NUP210L: variants seen among roughly 807,000 people sequenced by gnomAD.
NUP210L encodes nuclear pore membrane glycoprotein 210-like.
A neutral mutation model predicts 208.5 loss-of-function variants in NUP210L; 74 were observed. The observed-to-expected ratio is 0.35, with a 90% CI of 0.29 to 0.43. The LOEUF is 0.43. Ranked by LOEUF, NUP210L falls within the 20% of genes least tolerant of loss-of-function variation. The pLI is 1.00. For synonymous variants in NUP210L, 780 were observed against 816.9 expected (o/e 0.95, Z 0.77); for missense variants, 1,843 against 2,289.4 (o/e 0.81, Z 3.98).
intron 18 of NUP210L, among the ~76,000 whole-genome samples, chr1:154,061,378 A>AAATAATAATAAT (rs537711266): frequency 1.3e-5 from 2 of 150,068 alleles, no homozygotes; most frequent in African/African-American, 4.9e-5. Flanking sequence ...ACTTCATCTC[A>AAATAATAATAAT]AATAATAATA....
At chr1:154,133,711 C>T (rs151083641) in intron 7 of NUP210L, among the ~76,000 whole-genome samples, 206 of 151,654 alleles carry the variant, frequency 1.4e-3, no homozygotes, top group African/African-American at 4.6e-3. Flanking sequence ...CGTGGTGGCA[C>T]GTGCCTGTGG....
chr1:154,125,715 AAGGAAGGAAGGAAGGAAGGAAGGG>A (rs1657895446), intron 10 of NUP210L, among the ~76,000 whole-genome samples: 6 of 41,058 alleles, frequency 1.5e-4, no homozygotes, highest in African/African-American at 2.8e-4. Context: ...GGAAGGAAGG[AAGGAAGGAAGGAAGGAAGGAAGGG>A]AGGGAGGGAA....
At chr1:154,040,537 C>T (rs964372947) in intron 27 of NUP210L, among the ~76,000 whole-genome samples, 1 of 151,422 alleles carries the variant, frequency 6.6e-6, no homozygotes, top group Admixed American at 6.6e-5. Context: ...CTAAAGTAAC[C>T]TCTGTTTGTA....
chr1:154,084,360 T>C (rs1655515684), intron 16 of NUP210L, among the ~76,000 whole-genome samples: 2 of 151,742 alleles, frequency 1.3e-5, no homozygotes, highest in South Asian at 4.2e-4. Flanking sequence ...CACAGGCAAA[T>C]GCCACCACAT....
rs1251890202 is a variant in NUP210L, at chr1:154,055,111, TC to T, written c.3241-280del. On this transcript the variant is annotated intron_variant, in intron 23 of 39. Transcript: ENST00000368559. ...TTCCTTTCCTTCTCTTTCTTTTCTT[TC>T]TCTTTCTTTCTTTTCTTTCTTTCTT... 3.6e-4 allele frequency among the ~76,000 whole-genome samples: 52 copies of T among 144,590 alleles called. No individual in the cohort carries two copies. In the South Asian group the frequency reaches 6.9e-3, roughly 19 times the overall value. The allele number at this position is 144,590 out of a possible 152,430, so 94.9% of individuals were successfully genotyped here. A position where few individuals can be genotyped will look rare whatever the true frequency, so the allele number is the denominator to read the frequency against.
exon 28 of NUP210L, chr1:154,030,031 C>A: frequency 6.2e-7 from 1 of 1,607,302 alleles, no homozygotes; most frequent in Non-Finnish European, 8.5e-7. Flanking sequence ...CAAAGTTATG[C>A]TCTACTGGGA....
At position 154,154,826 on chromosome 1, in the gene NUP210L, A is replaced by T. The variant is rs1292232382; in HGVS notation, c.203+16T>A. The T allele has an allele frequency of 6.2e-7, 1 of 1,604,496 alleles. No individual in the cohort carries two copies. Among genetic ancestry groups the T allele is most frequent in the Non-Finnish European group, 8.5e-7 (1 of 1,171,520 alleles). ...GGTAGTGAGGGTGCATATCCTTGTC[A>T]CCCACCACCCCTCACCAAGTGTAGC... On this transcript the variant is annotated intron_variant, in intron 1 of 39. Transcript: ENST00000368559.
Position 153,996,152 on chromosome 1 carries a change from T to C in NUP210L, c.5387-972A>G, listed in dbSNP as rs978865890. ...CTAAAAATAGAAAAAATTAGCTGGG[T>C]GTGGTGGCATGCACCTGTAGTCCCA... On this transcript the variant is annotated intron_variant, in intron 37 of 39. Coordinates refer to ENST00000368559, the Ensembl canonical transcript of NUP210L. Among the ~76,000 whole-genome samples, 17 of 151,924 alleles carry C rather than the reference T, an allele frequency of 1.1e-4. No homozygotes were observed. In the South Asian group the frequency reaches 1.5e-3, roughly 13 times the overall value.
intron 11 of NUP210L, among the ~76,000 whole-genome samples, chr1:154,118,412 C>G (rs1657439928): frequency 6.6e-6 from 1 of 152,106 alleles, no homozygotes; most frequent in Non-Finnish European, 1.5e-5. Context: ...ATGGTAGTGT[C>G]ACAAAATGTC....
At chr1:154,150,139 C>T (rs998525323) in intron 2 of NUP210L, among the ~76,000 whole-genome samples, 3 of 152,168 alleles carry the variant, frequency 2.0e-5, no homozygotes, top group Non-Finnish European at 4.4e-5. Flanking sequence ...CTTTGGGAGG[C>T]TGAGGCGGGC....
chr1:154,154,703 CCA>C (rs1386343303), intron 1 of NUP210L, 137 bp downstream of exon 1: 3 of 681,844 alleles, frequency 4.4e-6, no homozygotes, highest in South Asian at 1.8e-5. Context: ...TTCACTGACA[CCA>C]CACTCTCCTC....
chr1:154,060,951 A>G (rs759344420), exon 19 of NUP210L: 1 of 1,603,850 alleles, frequency 6.2e-7, no homozygotes, highest in Non-Finnish European at 8.5e-7. Context: ...CCTTTACATC[A>G]GGGTGGTTAT....
chr1:154,108,057 A>G (rs1656858292), intron 12 of NUP210L, among the ~76,000 whole-genome samples: 4 of 152,224 alleles, frequency 2.6e-5, no homozygotes, highest in Admixed American at 2.6e-4. Flanking sequence ...TATAAAAAGG[A>G]ATAACTATAA....
intron 12 of NUP210L, 28 bp from the exon 13 acceptor site, chr1:154,104,238 A>C (rs765791479): frequency 6.3e-7 from 1 of 1,599,550 alleles, no homozygotes; most frequent in Non-Finnish European, 8.6e-7. Context: ...ATCTTTCAAG[A>C]AAGTTATGTT....
chr1:154,122,755 GA>G (rs1382807953), intron 10 of NUP210L, among the ~76,000 whole-genome samples: 1 of 152,118 alleles, frequency 6.6e-6, no homozygotes, highest in Non-Finnish European at 1.5e-5. Flanking sequence ...AGCTACTGTA[GA>G]AAACAGTATG....
rs1202449144 is a variant in NUP210L at position 154,119,985 on chromosome 1, G to T, written c.1327-1177C>A. Among the ~76,000 whole-genome samples, 4 of 152,174 alleles carry T rather than the reference G, an allele frequency of 2.6e-5. No individual in the cohort carries two copies. The East Asian group carries it at 7.7e-4, about 29-fold the overall frequency. On this transcript the variant is annotated intron_variant, in intron 10 of 39. Coordinates refer to ENST00000368559, the Ensembl canonical transcript of NUP210L. ...AATCGCCACGCTGACTTCCACAATG[G>T]TTGAACTAGTTTACAGTCCCACCAA...
chr1:154,017,373 C>A (rs1651317839), intron 33 of NUP210L, among the ~76,000 whole-genome samples: 1 of 144,254 alleles, frequency 6.9e-6, no homozygotes, highest in Non-Finnish European at 1.5e-5. Context: ...CAAAAACCAT[C>A]AGTCATTTCT....
chr1:154,112,205 G>T (rs1459579461), intron 12 of NUP210L, among the ~76,000 whole-genome samples: 1 of 152,100 alleles, frequency 6.6e-6, no homozygotes, highest in Non-Finnish European at 1.5e-5. Flanking sequence ...AGGATTACAG[G>T]CTTGAGCCAC....
At chr1:154,080,610 A>G (rs1655269914) in intron 16 of NUP210L, among the ~76,000 whole-genome samples, 1 of 151,426 alleles carries the variant, frequency 6.6e-6, no homozygotes, top group South Asian at 2.1e-4. Flanking sequence ...ACTTGAACCC[A>G]GGAGGCAGAG....
Sources: gnomAD v4.1 joint callset for allele counts (sites outside exome capture counted in the v4.1 genomes callset) on GRCh38, gnomAD v4.1.1 for gene constraint, MANE v1.5 for transcripts, NCBI Gene and HGNC (gene_info 2026-07-23, HGNC 2026-07-21) for gene names.